The following RILPL1 variants were observed in gnomAD, a reference collection of about 807,000 sequenced individuals.
RILPL1 encodes the protein RILP-like protein 1.
In RILPL1, 33 loss-of-function variants were observed where a neutral mutation model predicts 50.3. The observed-to-expected ratio is 0.66, with a 90% confidence interval of 0.50 to 0.88. RILPL1 has a LOEUF of 0.88. Among genes scored for constraint, RILPL1 ranks in the 40% least tolerant of loss-of-function variants. RILPL1 has a pLI of 0.00. For synonymous variants in RILPL1, 205 were observed against 228.6 expected (o/e 0.90, Z 0.93); for missense variants, 418 against 542.5 (o/e 0.77, Z 2.28).
intron 2 of RILPL1, among the ~76,000 whole-genome samples, chr12:123,516,242 CG>C (rs1884688631): frequency 6.6e-6 from 1 of 152,126 alleles, no homozygotes; most frequent in Admixed American, 6.6e-5. Context: ...AAGTTGGTCT[CG>C]GATCACCTGG....
At chr12:123,481,177 T>C (rs982849631) in intron 6 of RILPL1, among the ~76,000 whole-genome samples, 1 of 151,794 alleles carries the variant, frequency 6.6e-6, no homozygotes, top group African/African-American at 2.4e-5. Flanking sequence ...GCCAACATGG[T>C]GAAACTCCGT....
intron 4 of RILPL1, among the ~76,000 whole-genome samples, chr12:123,495,014 T>A (rs915859761): frequency 2.6e-5 from 4 of 152,180 alleles, no homozygotes; most frequent in African/African-American, 9.6e-5. Flanking sequence ...CTCCCACTTT[T>A]AGTCCATGTG....
rs1311171894 is a variant in RILPL1 at position 123,492,232 on chromosome 12, A to AT, written c.801+6311_801+6312insA. On this transcript the variant is annotated intron_variant, in intron 4 of 6. Transcript: ENST00000376874. Reference sequence around the variant, plus strand: ...CTGTCTCAAAAAAAAAGAAGAAAAAAAAATATATATATATACATATAATCT... The same window carrying AT: ...CTGTCTCAAAAAAAAAGAAGAAAAAATAAATATATATATATACATATAATCT... Among the ~76,000 whole-genome samples, 121 of 139,634 alleles carry AT rather than the reference A, an allele frequency of 8.7e-4. 1 individual carries two copies. The highest frequency in any genetic ancestry group is 2.9e-3 in the African/African-American group (103 of 35,232). The allele number at this position is 139,634 out of a possible 152,430, so 91.6% of individuals were successfully genotyped here.
rs1885328520 is a variant in RILPL1, at chr12:123,528,322, G to A, written c.310-4677C>T. 2.7e-5 allele frequency among the ~76,000 whole-genome samples: 4 copies of A among 147,350 alleles called. No homozygotes were observed. In the South Asian group the frequency reaches 6.5e-4, roughly 24 times the overall value. ...TGCAGTGAGCCAATGGTCACGCACG[G>A]CACGCCAGCCTGGGCAACAGAGTGA... On this transcript the variant is annotated intron_variant, in intron 1 of 6. Coordinates refer to ENST00000376874, the MANE Select transcript of RILPL1 (RefSeq NM_178314.5).
chr12:123,531,581 A>C (rs1031140326), intron 1 of RILPL1, among the ~76,000 whole-genome samples: 4 of 152,110 alleles, frequency 2.6e-5, no homozygotes, highest in African/African-American at 9.7e-5. Context: ...CGGTTTCCTA[A>C]TATGAGCCTG....
intron 6 of RILPL1, chr12:123,473,603 C>A (rs74608773): frequency 6.6e-6 from 1 of 151,964 alleles, no homozygotes; most frequent in East Asian, 1.9e-4. Context: ...TTTGCACTTT[C>A]AAAAATAGAT....
rs543761814 is a variant in RILPL1 at position 123,509,790 on chromosome 12, C to G, written c.461-10254G>C. ...TGCCCACCCTCATGCACACAGTAAACACCGCTGCCCTGTGCACTCACACAG... is the reference window on the plus strand; with the variant it reads ...TGCCCACCCTCATGCACACAGTAAAGACCGCTGCCCTGTGCACTCACACAG... On this transcript the variant is annotated intron_variant, in intron 2 of 6. Transcript: ENST00000376874. Among the ~76,000 whole-genome samples, 4 of 152,346 alleles carry G rather than the reference C, an allele frequency of 2.6e-5. No homozygotes were observed. In the East Asian group the frequency reaches 7.7e-4, roughly 29 times the overall value.
chr12:123,473,831 AAAAAAACAAAAG>A (rs1881388943), intron 6 of RILPL1: 1 of 111,608 alleles, frequency 9.0e-6, no homozygotes, highest in Admixed American at 9.2e-5. Flanking sequence ...AAAAAGAAAG[AAAAAAACAAAAG>A]AAAAAAAAAA....
chr12:123,515,935 G>A (rs899054582), intron 2 of RILPL1, among the ~76,000 whole-genome samples: 1 of 150,670 alleles, frequency 6.6e-6, no homozygotes, highest in Admixed American at 6.6e-5. Context: ...TTGGGAGGCT[G>A]AGGCAGGAGA....
At chr12:123,488,992 C>T (rs111991407) in intron 4 of RILPL1, among the ~76,000 whole-genome samples, 1,539 of 152,260 alleles carry the variant, frequency 0.01, 14 homozygotes, top group South Asian at 0.027. Context: ...CGGAACCACC[C>T]GGCAGCCACA....
rs1441086756 is a variant in RILPL1 at position 123,489,724 on chromosome 12, G to C, written c.802-3919C>G. Reference sequence around the variant, plus strand: ...CAAGATCTAACTGGAGAGAATCAGGGAAGATGTTAATCAGATGTGGTCTCT... The same window carrying C: ...CAAGATCTAACTGGAGAGAATCAGGCAAGATGTTAATCAGATGTGGTCTCT... On this transcript the variant is annotated intron_variant, in intron 4 of 6. Transcript: ENST00000376874. The surrounding 1 kb of genome is among the most constrained non-coding windows in gnomAD (Gnocchi z 4.0). 6.6e-6 allele frequency among the ~76,000 whole-genome samples: 1 copy of C among 151,958 alleles called. No homozygotes were observed. The highest frequency in any genetic ancestry group is 1.5e-5 in the Non-Finnish European group (1 of 68,000).
intron 3 of RILPL1, among the ~76,000 whole-genome samples, chr12:123,499,152 C>A (rs1883208448): frequency 6.6e-6 from 1 of 152,206 alleles, no homozygotes; most frequent in African/African-American, 2.4e-5. Flanking sequence ...GCCTTGGGGT[C>A]AGAGCAAAGT....
chr12:123,499,286 C>G (rs930794742), intron 3 of RILPL1, 132 bp downstream of exon 3: 58 of 646,848 alleles, frequency 9.0e-5, no homozygotes, highest in African/African-American at 8.5e-4. Context: ...AAGCCATGAG[C>G]AGGATCCACA....
intron 4 of RILPL1, among the ~76,000 whole-genome samples, chr12:123,497,139 G>A (rs931214816): frequency 1.3e-5 from 2 of 152,228 alleles, no homozygotes; most frequent in Non-Finnish European, 2.9e-5. Flanking sequence ...CTTTAGAGCT[G>A]AATCATATCC....
intron 6 of RILPL1, 181 bp from the exon 7 acceptor site, chr12:123,472,863 C>A (rs752866994): frequency 1.3e-5 from 8 of 627,940 alleles, no homozygotes; most frequent in Non-Finnish European, 2.2e-5. Context: ...GGGTATTCTG[C>A]GTGTCATTTG....
chr12:123,525,243 G>C (rs1885209054), intron 1 of RILPL1, among the ~76,000 whole-genome samples: 1 of 151,650 alleles, frequency 6.6e-6, no homozygotes, highest in South Asian at 2.1e-4. Flanking sequence ...TTAGAGACAG[G>C]GTCTTGTTCT....
At chr12:123,475,384 T>C in intron 6 of RILPL1, 4 of 459,382 alleles carry the variant, frequency 8.7e-6, no homozygotes, top group South Asian at 2.4e-5. Context: ...AAGGACCTTC[T>C]TTACTGGATC....
At chr12:123,475,317 A>G (rs1881513695) in intron 6 of RILPL1, 1 of 262,410 alleles carries the variant, frequency 3.8e-6, no homozygotes, top group East Asian at 7.4e-5. Context: ...CATCAAAAAC[A>G]TAGGGTTAGT....
At chr12:123,523,713 C>G in intron 1 of RILPL1, 68 bp from the exon 2 acceptor site, 2 of 1,538,000 alleles carry the variant, frequency 1.3e-6, no homozygotes, top group Non-Finnish European at 1.7e-6. Flanking sequence ...CACTCCGACC[C>G]TCAGGGGCAG....
Sources: gnomAD v4.1 joint callset for allele counts (sites outside exome capture counted in the v4.1 genomes callset) on GRCh38, gnomAD v4.1.1 for gene constraint, Gnocchi (gnomAD v3.1) non-coding constraint, MANE v1.5 for transcripts, NCBI Gene and HGNC (gene_info 2026-07-23, HGNC 2026-07-21) for gene names.